The following ATE1 variants were observed in gnomAD, a reference collection of about 807,000 sequenced individuals.
ATE1 encodes arginyl-tRNA--protein transferase 1.
ATE1 carries 36 observed loss-of-function variants against 70.5 expected under a neutral mutation model. That is an observed-to-expected ratio of 0.51 (90% CI 0.39 to 0.67). ATE1 has a LOEUF of 0.67. Ranked by LOEUF, ATE1 falls within the 30% of genes least tolerant of loss-of-function variation. The pLI, the probability that ATE1 is intolerant of heterozygous loss-of-function variation, is 0.00. For synonymous variants in ATE1, 232 were observed against 219.3 expected (o/e 1.06, Z -0.51); for missense variants, 593 against 629.5 (o/e 0.94, Z 0.62).
intron 3 of ATE1, among the ~76,000 whole-genome samples, chr10:121,919,357 G>A (rs113024997): frequency 3.9e-5 from 6 of 152,180 alleles, no homozygotes; most frequent in Non-Finnish European, 7.4e-5. Flanking sequence ...TCAGGAGTTC[G>A]AGACCAGCTT....
At chr10:121,785,406 C>T (rs543212183) in intron 11 of ATE1, among the ~76,000 whole-genome samples, 1 of 152,164 alleles carries the variant, frequency 6.6e-6, no homozygotes, top group East Asian at 1.9e-4. Context: ...ACACAGCACT[C>T]GGGAAGTGGT....
intron 7 of ATE1, among the ~76,000 whole-genome samples, chr10:121,878,127 G>A (rs1282289858): frequency 2.6e-5 from 4 of 152,108 alleles, no homozygotes; most frequent in Admixed American, 1.3e-4. Flanking sequence ...AGTGTATGCT[G>A]TATGATAAAT....
intron 11 of ATE1, among the ~76,000 whole-genome samples, chr10:121,753,621 A>C (rs968339988): frequency 6.6e-6 from 1 of 152,206 alleles, no homozygotes; most frequent in Non-Finnish European, 1.5e-5. Context: ...TGCTGGTAGG[A>C]TCTGTAAATA....
At chr10:121,766,364 G>A (rs559436922) in intron 11 of ATE1, among the ~76,000 whole-genome samples, 3 of 152,036 alleles carry the variant, frequency 2.0e-5, no homozygotes, top group African/African-American at 7.2e-5. Context: ...AGGAAGATGA[G>A]GGAGACCTAC....
chr10:121,845,345 G>C (rs924959413), intron 8 of ATE1, among the ~76,000 whole-genome samples: 1 of 152,116 alleles, frequency 6.6e-6, no homozygotes, highest in African/African-American at 2.4e-5. Flanking sequence ...AGCAATAACA[G>C]ATCAGTAAAA....
chr10:121,921,222 G>A (rs1017990732), intron 3 of ATE1, among the ~76,000 whole-genome samples: 7 of 151,768 alleles, frequency 4.6e-5, no homozygotes, highest in African/African-American at 1.5e-4. Context: ...CTTAGCTCAC[G>A]CCCTCCCTCC....
chr10:121,907,220 C>T (rs958654693), intron 5 of ATE1, among the ~76,000 whole-genome samples: 5 of 151,968 alleles, frequency 3.3e-5, no homozygotes, highest in African/African-American at 7.3e-5. Flanking sequence ...TTTGGGAGCC[C>T]GGGGCAGGTG....
chr10:121,849,230 A>G (rs1948964208), intron 8 of ATE1, among the ~76,000 whole-genome samples: 1 of 151,878 alleles, frequency 6.6e-6, no homozygotes, highest in Admixed American at 6.6e-5. Flanking sequence ...AAAAAAGAAT[A>G]TAAGTATAAT....
At chr10:121,872,866 A>T (rs1949910900) in intron 7 of ATE1, among the ~76,000 whole-genome samples, 1 of 152,142 alleles carries the variant, frequency 6.6e-6, no homozygotes, top group Non-Finnish European at 1.5e-5. Flanking sequence ...ACTTAATAAT[A>T]AATAATGGGT....
intron 10 of ATE1, among the ~76,000 whole-genome samples, chr10:121,812,618 TA>T (rs1203927201): frequency 2.6e-5 from 4 of 152,158 alleles, no homozygotes; most frequent in African/African-American, 9.7e-5. Context: ...TTATGGTCCC[TA>T]AAAAATTAAT....
intron 8 of ATE1, among the ~76,000 whole-genome samples, chr10:121,868,392 T>A (rs1224862628): frequency 1.3e-5 from 2 of 152,212 alleles, no homozygotes; most frequent in African/African-American, 2.4e-5. Flanking sequence ...AAATTATGGA[T>A]CTTTACATAC....
chr10:121,789,469 T>C (rs1946347206), intron 11 of ATE1, among the ~76,000 whole-genome samples: 1 of 152,012 alleles, frequency 6.6e-6, no homozygotes, highest in Admixed American at 6.6e-5. Context: ...CAGCCAGTTT[T>C]TGTATTTTTA....
intron 3 of ATE1, among the ~76,000 whole-genome samples, chr10:121,915,916 C>CAAAAA (rs1405990860): frequency 7.1e-6 from 1 of 141,630 alleles, no homozygotes; most frequent in Non-Finnish European, 1.5e-5. Flanking sequence ...CAAAACAAAA[C>CAAAAA]AAAAAAAAAC....
intron 11 of ATE1, among the ~76,000 whole-genome samples, chr10:121,759,825 C>A (rs570718190): frequency 1.3e-5 from 2 of 152,088 alleles, no homozygotes; most frequent in South Asian, 4.2e-4. Flanking sequence ...AAGAAGGTGG[C>A]TACACTAAAC....
rs1295804786 is a variant in ATE1, at chr10:121,741,801, T to C, written c.*1879A>G. ...AGGAAATAAAACAGCATGTAGAACA[T>C]AATTCTATTTATATTAAAATTACAT... On this transcript the variant is annotated 3_prime_UTR_variant, in exon 12 of 12. Transcript: ENST00000224652. 1 of 152,228 alleles carries C rather than the reference T, an allele frequency of 6.6e-6. No homozygotes were observed. The highest frequency in any genetic ancestry group is 1.5e-5 in the Non-Finnish European group (1 of 68,038). 9.4% of individuals were successfully genotyped at this position (152,228 alleles called of 1,614,324 possible).
rs1206051708 is a variant in ATE1 at position 121,917,150 on chromosome 10, CA to C, written c.234-3258del. On this transcript the variant is annotated intron_variant, in intron 3 of 11. Coordinates refer to ENST00000224652, the MANE Select transcript of ATE1 (RefSeq NM_001001976.3). ...TACACTCCAGCCTGGGCAACAACAGCAAAACTCCATCTCAAAAAAAAAAATA... is the reference window on the plus strand; with the variant it reads ...TACACTCCAGCCTGGGCAACAACAGCAAACTCCATCTCAAAAAAAAAAATA... Among the ~76,000 whole-genome samples the C allele has an allele frequency of 2.6e-5, 4 of 151,168 alleles. No individual in the cohort carries two copies. The East Asian group carries it at 7.8e-4, about 30-fold the overall frequency.
At chr10:121,871,511 T>G (rs1266683666) in intron 7 of ATE1, among the ~76,000 whole-genome samples, 1 of 151,802 alleles carries the variant, frequency 6.6e-6, no homozygotes, top group African/African-American at 2.4e-5. Context: ...ATTAAATGAG[T>G]GAGGACAAGA....
chr10:121,785,500 G>A (rs1946167903), intron 11 of ATE1, among the ~76,000 whole-genome samples: 1 of 152,024 alleles, frequency 6.6e-6, no homozygotes, highest in Admixed American at 6.6e-5. Context: ...AGGTCAGAGT[G>A]GGACTTACTT....
At chr10:121,802,354 G>A (rs1946919556) in intron 10 of ATE1, among the ~76,000 whole-genome samples, 1 of 150,984 alleles carries the variant, frequency 6.6e-6, no homozygotes, top group Admixed American at 6.6e-5. Flanking sequence ...TGTTGCCCAG[G>A]TTGGAGTGCA....
Sources: gnomAD v4.1 joint callset for allele counts (sites outside exome capture counted in the v4.1 genomes callset) on GRCh38, gnomAD v4.1.1 for gene constraint, MANE v1.5 for transcripts, NCBI Gene and HGNC (gene_info 2026-07-23, HGNC 2026-07-21) for gene names.